Variants in RANBP2 observed in about 807,000 individuals in gnomAD.
RANBP2 encodes the protein E3 SUMO-protein ligase RanBP2.
RANBP2 carries 57 observed loss-of-function variants against 303.6 expected under a neutral mutation model. That is an observed-to-expected ratio of 0.19 (90% CI 0.15 to 0.23). The LOEUF (loss-of-function observed/expected upper bound fraction) is 0.23, where lower values mean the gene tolerates loss of function less well. Among genes scored for constraint, RANBP2 ranks in the 10% least tolerant of loss-of-function variants. The pLI, the probability that RANBP2 is intolerant of heterozygous loss-of-function variation, is 1.00. For missense variants in RANBP2, 3,138 were observed against 3,780.8 expected, an observed-to-expected ratio of 0.83 and a Z score of 4.46; for synonymous variants, 1,167 against 1,301.5, an observed-to-expected ratio of 0.90 and a Z score of 2.23.
chr2:108,864,395 G>A, the RANBP2 span, among the ~76,000 whole-genome samples: 1 of 152,176 alleles, frequency 6.6e-6, no homozygotes, highest in Non-Finnish European at 1.5e-5. Context: ...AGTTGTGGTG[G>A]CCTATGCCTG....
At chr2:109,240,321 A>G in the RANBP2 span, among the ~76,000 whole-genome samples, 2 of 152,146 alleles carry the variant, frequency 1.3e-5, no homozygotes, top group Admixed American at 1.3e-4. Context: ...CCTCATCTTT[A>G]CTAAAAATAC....
At chr2:109,672,095 C>A in the RANBP2 span, among the ~76,000 whole-genome samples, 1 of 152,074 alleles carries the variant, frequency 6.6e-6, no homozygotes, top group Non-Finnish European at 1.5e-5. Context: ...AAACTACTCA[C>A]CAGTGTGTTG....
chr2:108,924,746 C>A, the RANBP2 span, among the ~76,000 whole-genome samples: 833 of 152,316 alleles, frequency 5.5e-3, 4 homozygotes, highest in Non-Finnish European at 9.1e-3. Flanking sequence ...ATTAACCAAT[C>A]TCAAAACACC....
chr2:109,006,089 G>A, the RANBP2 span, among the ~76,000 whole-genome samples: 2 of 152,224 alleles, frequency 1.3e-5, no homozygotes, highest in African/African-American at 2.4e-5. Context: ...GCTGCCCATA[G>A]CAGAAACGTG....
the RANBP2 span, among the ~76,000 whole-genome samples, chr2:109,366,499 C>T: frequency 3.3e-5 from 5 of 152,110 alleles, no homozygotes; most frequent in Non-Finnish European, 2.9e-5. Flanking sequence ...CGTTTATGCA[C>T]GTATACATAT....
At chr2:109,093,406 T>TAAAA in the RANBP2 span, among the ~76,000 whole-genome samples, 20 of 90,512 alleles carry the variant, frequency 2.2e-4, no homozygotes, top group South Asian at 1.1e-3. Context: ...CGGAGATTTG[T>TAAAA]AAAAAAAAAA....
the RANBP2 span, among the ~76,000 whole-genome samples, chr2:109,373,059 C>T: frequency 1.3e-5 from 2 of 152,328 alleles, no homozygotes; most frequent in East Asian, 1.9e-4. Flanking sequence ...GGTTCTCGCA[C>T]ATTTAGTTTG....
At chr2:109,099,046 C>T in the RANBP2 span, among the ~76,000 whole-genome samples, 1 of 152,198 alleles carries the variant, frequency 6.6e-6, no homozygotes, top group Non-Finnish European at 1.5e-5. Flanking sequence ...GAAGCATGGC[C>T]TCTGGCAGAG....
At chr2:109,679,046 G>A in the RANBP2 span, among the ~76,000 whole-genome samples, 93 of 152,310 alleles carry the variant, frequency 6.1e-4, no homozygotes, top group African/African-American at 2.2e-3. Flanking sequence ...TTGAATGAAG[G>A]TTCTCTAACA....
At chr2:109,253,108 A>G in the RANBP2 span, among the ~76,000 whole-genome samples, 10 of 151,956 alleles carry the variant, frequency 6.6e-5, no homozygotes, top group African/African-American at 2.4e-4. Flanking sequence ...GGTCACTGCA[A>G]CCTCCACCTC....
chr2:108,856,978 T>C, the RANBP2 span: 1 of 1,557,754 alleles, frequency 6.4e-7, no homozygotes, highest in Non-Finnish European at 8.8e-7. Context: ...CTAGTAAGTT[T>C]TTAAGTTCTA....
chr2:109,744,476 G>T, the RANBP2 span, among the ~76,000 whole-genome samples: 1 of 86,658 alleles, frequency 1.2e-5, no homozygotes, highest in Admixed American at 1.2e-4. Context: ...TATAGATTCT[G>T]GATGTAGACC....
the RANBP2 span, chr2:109,568,118 C>T: frequency 6.4e-6 from 4 of 626,828 alleles, no homozygotes; most frequent in East Asian, 2.8e-5. Flanking sequence ...CGGTCCATCT[C>T]GCTGTTGATC....
At chr2:109,377,693 C>T in the RANBP2 span, among the ~76,000 whole-genome samples, 8 of 152,096 alleles carry the variant, frequency 5.3e-5, no homozygotes, top group African/African-American at 9.7e-5. Flanking sequence ...GGCCATTTCC[C>T]GTTTGAGAGT....
the RANBP2 span, among the ~76,000 whole-genome samples, chr2:109,082,890 A>T: frequency 7.0e-6 from 1 of 142,828 alleles, no homozygotes. Context: ...CAGTGGCGCC[A>T]TCTCAGCTCA....
chr2:109,496,081 T>C, the RANBP2 span, among the ~76,000 whole-genome samples: 2 of 152,200 alleles, frequency 1.3e-5, no homozygotes, highest in East Asian at 3.9e-4. Flanking sequence ...CCAGCTTTTA[T>C]TCCCTTATTT....
chr2:109,436,832 C>T, the RANBP2 span: 11 of 1,565,418 alleles, frequency 7.0e-6, no homozygotes, highest in South Asian at 1.2e-4. Flanking sequence ...CTGCCAGAGG[C>T]CCACATGGCA....
chr2:109,248,814 G>A, the RANBP2 span, among the ~76,000 whole-genome samples: 5 of 125,762 alleles, frequency 4.0e-5, no homozygotes, highest in South Asian at 2.5e-4. Context: ...TTTCTCTTTC[G>A]TTTTCTCTCT....
At chr2:109,551,956 C>T in the RANBP2 span, among the ~76,000 whole-genome samples, 8 of 152,158 alleles carry the variant, frequency 5.3e-5, no homozygotes, top group African/African-American at 1.7e-4. Context: ...CCCCAGGCCG[C>T]GGACCAGTAC....
Sources: gnomAD v4.1 joint callset for allele counts (sites outside exome capture counted in the v4.1 genomes callset) on GRCh38, gnomAD v4.1.1 for gene constraint, MANE v1.5 for transcripts, NCBI Gene and HGNC (gene_info 2026-07-23, HGNC 2026-07-21) for gene names.